SH3RF3: variants seen among roughly 807,000 people sequenced by gnomAD.
The protein encoded by SH3RF3 is SH3 domain containing ring finger 3.
Under a neutral mutation model 66.3 loss-of-function variants are expected in SH3RF3, and 29 were observed. The observed-to-expected ratio is 0.44, with a 90% CI of 0.33 to 0.60. The LOEUF (loss-of-function observed/expected upper bound fraction) is 0.60, where lower values mean the gene tolerates loss of function less well. Ranked by LOEUF, SH3RF3 falls within the 20% of genes least tolerant of loss-of-function variation. The probability of loss-of-function intolerance (pLI) is 0.04; values close to 1 mark genes in which losing one functional copy is unlikely to be tolerated. For synonymous variants in SH3RF3, 583 were observed against 532.0 expected (o/e 1.10, Z -1.32); for missense variants, 1,194 against 1,190.9 (o/e 1.00, Z -0.04).
chr2:109,435,492 G>A (rs1677374978), intron 6 of SH3RF3, among the ~76,000 whole-genome samples: 1 of 152,234 alleles, frequency 6.6e-6, no homozygotes, highest in African/African-American at 2.4e-5. Flanking sequence ...TGAAGTGCTG[G>A]TGGGCTCTCG....
At chr2:109,357,543 G>A (rs1298859214) in intron 2 of SH3RF3, among the ~76,000 whole-genome samples, 2 of 152,208 alleles carry the variant, frequency 1.3e-5, no homozygotes, top group Non-Finnish European at 2.9e-5. Flanking sequence ...GCCTCTGACA[G>A]TTACCAGCCC....
chr2:109,161,625 C>T (rs191990294), intron 1 of SH3RF3, among the ~76,000 whole-genome samples: 1 of 151,904 alleles, frequency 6.6e-6, no homozygotes, highest in African/African-American at 2.4e-5. Context: ...GACTGGGCAA[C>T]TGGCAAGGGT....
chr2:109,199,878 G>T (rs1678627398), intron 1 of SH3RF3, among the ~76,000 whole-genome samples: 1 of 44,940 alleles, frequency 2.2e-5, no homozygotes, highest in Non-Finnish European at 4.7e-5. Context: ...GGGGATTAGG[G>T]CTTAGATGTA....
chr2:109,265,131 T>C (rs1340967639), intron 1 of SH3RF3, among the ~76,000 whole-genome samples: 2 of 152,016 alleles, frequency 1.3e-5, no homozygotes, highest in Non-Finnish European at 2.9e-5. Context: ...GGATGGTGTG[T>C]GTTTTATTTT....
intron 9 of SH3RF3, among the ~76,000 whole-genome samples, chr2:109,495,477 C>CTTTTTTTTTTTTTTTT (rs569509984): frequency 2.1e-5 from 2 of 94,240 alleles, no homozygotes; most frequent in Admixed American, 1.2e-4. Flanking sequence ...TCTTTCATTC[C>CTTTTTTTTTTTTTTTT]TTTTTTTTTT....
chr2:109,243,901 T>A (rs1558977938), intron 1 of SH3RF3, among the ~76,000 whole-genome samples: 4 of 152,124 alleles, frequency 2.6e-5, no homozygotes, highest in African/African-American at 7.2e-5. Context: ...GAGTAGTGAG[T>A]GAGAGAGGCT....
intron 4 of SH3RF3, among the ~76,000 whole-genome samples, chr2:109,418,365 T>C (rs948056255): frequency 6.6e-6 from 1 of 152,132 alleles, no homozygotes; most frequent in Non-Finnish European, 1.5e-5. Context: ...CAGAAAGCTG[T>C]TCTCTCACAG....
intron 1 of SH3RF3, among the ~76,000 whole-genome samples, chr2:109,248,297 T>C (rs1679969432): frequency 6.6e-6 from 1 of 152,258 alleles, no homozygotes; most frequent in African/African-American, 2.4e-5. Flanking sequence ...ATTTTGGCTA[T>C]TGTTTTAAAA....
At chr2:109,334,321 C>T (rs1013404653) in intron 1 of SH3RF3, among the ~76,000 whole-genome samples, 2 of 141,628 alleles carry the variant, frequency 1.4e-5, no homozygotes, top group Non-Finnish European at 3.0e-5. Context: ...TCACACCACT[C>T]GACTTCAGAT....
rs747679312 is a variant in SH3RF3 at position 109,390,530 on chromosome 2, A to G, written c.946-8060A>G. On this transcript the variant is annotated intron_variant, in intron 3 of 9. Transcript: ENST00000309415. ...CCAGTCCAGGAGGGACACATCACCC[A>G]ATATCAAGAGGTTAAACTCGAAGCA... Among the ~76,000 whole-genome samples the G allele has an allele frequency of 2.6e-5, 4 of 152,320 alleles. No individual in the cohort carries two copies. The South Asian group carries it at 6.2e-4, about 24-fold the overall frequency.
chr2:109,369,508 G>T (rs569362334), intron 2 of SH3RF3, among the ~76,000 whole-genome samples: 2 of 152,288 alleles, frequency 1.3e-5, no homozygotes, highest in South Asian at 2.1e-4. Flanking sequence ...GGCCTATAAT[G>T]TCAGTTGGAA....
At chr2:109,302,196 T>C (rs1161614779) in intron 1 of SH3RF3, among the ~76,000 whole-genome samples, 2 of 152,328 alleles carry the variant, frequency 1.3e-5, no homozygotes, top group East Asian at 3.9e-4. Context: ...CAGCCAGTGC[T>C]GGGACACATG....
intron 1 of SH3RF3, among the ~76,000 whole-genome samples, chr2:109,319,557 G>C (rs966293023): frequency 6.6e-6 from 1 of 152,240 alleles, no homozygotes; most frequent in Non-Finnish European, 1.5e-5. Flanking sequence ...GGCTCACAGG[G>C]CTGAAAACAA....
intron 1 of SH3RF3, among the ~76,000 whole-genome samples, chr2:109,157,992 C>T (rs1346038486): frequency 6.6e-6 from 1 of 152,160 alleles, no homozygotes; most frequent in African/African-American, 2.4e-5. Flanking sequence ...AGTAACCCTC[C>T]TTGAGCCCGT....
intron 8 of SH3RF3, among the ~76,000 whole-genome samples, chr2:109,458,855 G>A (rs1209724912): frequency 6.6e-6 from 1 of 152,142 alleles, no homozygotes. Flanking sequence ...TAACACATTT[G>A]CCAAATGCCT....
At chr2:109,230,897 T>C (rs1679498988) in intron 1 of SH3RF3, among the ~76,000 whole-genome samples, 1 of 152,222 alleles carries the variant, frequency 6.6e-6, no homozygotes, top group Non-Finnish European at 1.5e-5. Flanking sequence ...CTTTGGGGGC[T>C]TCTCCCATCT....
intron 1 of SH3RF3, among the ~76,000 whole-genome samples, chr2:109,331,914 G>A (rs1373938551): frequency 6.6e-6 from 1 of 152,208 alleles, no homozygotes. Context: ...CCTCTCTGGA[G>A]GGGTTTGCCT....
chr2:109,477,408 C>G (rs11688265), intron 8 of SH3RF3, among the ~76,000 whole-genome samples: 4,374 of 152,332 alleles, frequency 0.029, 82 homozygotes, highest in Non-Finnish European at 0.043. Flanking sequence ...GAGGCTCCTT[C>G]ATTCTTACCT....
At chr2:109,209,772 T>C (rs1678925371) in intron 1 of SH3RF3, among the ~76,000 whole-genome samples, 1 of 152,204 alleles carries the variant, frequency 6.6e-6, no homozygotes, top group African/African-American at 2.4e-5. Flanking sequence ...GTTCACCTCC[T>C]GTGCTTACTT....
Sources: allele counts gnomAD v4.1 joint callset (sites outside exome capture counted in the v4.1 genomes callset), GRCh38; gene constraint gnomAD v4.1.1; transcripts MANE v1.5; gene names NCBI Gene and HGNC (gene_info 2026-07-23, HGNC 2026-07-21).